CELF2: variants seen among roughly 807,000 people sequenced by gnomAD.
CELF2 encodes the protein CUG triplet repeat RNA-binding protein 2.
Under a neutral mutation model 62.6 loss-of-function variants are expected in CELF2, and 8 were observed. The observed-to-expected ratio is 0.13, with a 90% CI of 0.07 to 0.23. The LOEUF (loss-of-function observed/expected upper bound fraction) is 0.23, where lower values mean the gene tolerates loss of function less well. Among genes scored for constraint, CELF2 ranks in the 10% least tolerant of loss-of-function variants. The pLI is 1.00. For missense variants in CELF2, 333 were observed against 671.0 expected (o/e 0.50, Z 5.56); for synonymous variants, 258 against 250.0 (o/e 1.03, Z -0.30).
the CELF2 span, among the ~76,000 whole-genome samples, chr10:10,580,016 C>A: frequency 6.6e-6 from 1 of 151,864 alleles, no homozygotes; most frequent in Non-Finnish European, 1.5e-5. Context: ...AAGAACACAT[C>A]AAAAAAGATT....
At chr10:10,746,080 A>T in the CELF2 span, among the ~76,000 whole-genome samples, 1 of 152,212 alleles carries the variant, frequency 6.6e-6, no homozygotes, top group East Asian at 1.9e-4. Context: ...CAGGGCATGA[A>T]TTCTCCAGCC....
the CELF2 span, among the ~76,000 whole-genome samples, chr10:10,658,059 T>G: frequency 1.3e-5 from 2 of 152,184 alleles, no homozygotes; most frequent in Non-Finnish European, 2.9e-5. Flanking sequence ...CAAACATAAT[T>G]CCACACTTGG....
Position 11,177,319 on chromosome 10 carries a change from A to AT in CELF2, c.271+11644dup, listed in dbSNP as rs1565109491. 6.6e-6 allele frequency among the ~76,000 whole-genome samples: 1 copy of AT among 150,842 alleles called. No individual in the cohort carries two copies. The highest frequency in any genetic ancestry group is 2.4e-5 in the African/African-American group (1 of 41,060). On this transcript the variant is annotated intron_variant, in intron 2 of 12. Coordinates refer to ENST00000633077, the MANE Select transcript of CELF2 (RefSeq NM_001326342.2). This position sits in a 1 kb window ranked among gnomAD's most constrained non-coding sequence, Gnocchi z 4.8. ...TGATGAAAGAAATAAAAGTCTCCTT[A>AT]TTTTTTTACTTTCTGTGTTGCTTCT...
At chr10:10,679,411 T>A in the CELF2 span, among the ~76,000 whole-genome samples, 6 of 152,232 alleles carry the variant, frequency 3.9e-5, no homozygotes, top group African/African-American at 9.6e-5. Context: ...CGCCTCAGCC[T>A]CCCAAGTAGC....
At chr10:10,558,838 AT>A in the CELF2 span, among the ~76,000 whole-genome samples, 1 of 152,176 alleles carries the variant, frequency 6.6e-6, no homozygotes, top group Non-Finnish European at 1.5e-5. Flanking sequence ...GGTTTATAGT[AT>A]TCTCTGATGG....
chr10:11,206,678 G>A (rs2060505592), intron 2 of CELF2, among the ~76,000 whole-genome samples: 3 of 152,232 alleles, frequency 2.0e-5, no homozygotes, highest in Admixed American at 1.3e-4. Flanking sequence ...TAGTTGGCTT[G>A]TTACATTCAA....
rs1414004716 is a variant in CELF2, at chr10:11,243,727, T to C, written c.355-5426T>C. 6.6e-6 allele frequency among the ~76,000 whole-genome samples: 1 copy of C among 152,246 alleles called. No individual in the cohort carries two copies. The highest frequency in any genetic ancestry group is 1.5e-5 in the Non-Finnish European group (1 of 68,042). On this transcript the variant is annotated intron_variant, in intron 3 of 12. Transcript: ENST00000633077. This position sits in a 1 kb window ranked among gnomAD's most constrained non-coding sequence, Gnocchi z 4.1. ...CTCGTCGAACAGCATAGACAGATCA[T>C]GACAGCACAGACCACTGAAGATTTT...
At chr10:10,610,362 G>A in the CELF2 span, among the ~76,000 whole-genome samples, 6,616 of 152,220 alleles carry the variant, frequency 0.043, 419 homozygotes, top group African/African-American at 0.14. Flanking sequence ...TCCTTAAAAT[G>A]ATGCCAACTC....
intron 5 of CELF2, among the ~76,000 whole-genome samples, chr10:11,259,063 A>G (rs978463740): frequency 6.6e-6 from 1 of 152,238 alleles, no homozygotes; most frequent in African/African-American, 2.4e-5. Context: ...TGCAGTTACC[A>G]GTGCAATTTC....
chr10:10,552,757 C>T, the CELF2 span, among the ~76,000 whole-genome samples: 1 of 152,258 alleles, frequency 6.6e-6, no homozygotes, highest in Middle Eastern at 3.4e-3. Context: ...TGATGTTGTT[C>T]GTTCTTTAAT....
upstream of CELF2, among the ~76,000 whole-genome samples, chr10:10,795,214 C>T (rs530539830): frequency 1.3e-4 from 19 of 147,838 alleles, no homozygotes; most frequent in African/African-American, 3.5e-4. Context: ...AGGACAATCA[C>T]GAATGTTGCA....
chr10:10,904,615 T>A (rs1426242079), intron 1 of CELF2, among the ~76,000 whole-genome samples: 2 of 152,224 alleles, frequency 1.3e-5, no homozygotes, highest in African/African-American at 4.8e-5. Flanking sequence ...ACAGTTTACA[T>A]AGCCATGGCC....
chr10:10,598,471 T>C, the CELF2 span, among the ~76,000 whole-genome samples: 1 of 152,198 alleles, frequency 6.6e-6, no homozygotes, highest in Admixed American at 6.5e-5. Context: ...ACTGCAGAAG[T>C]CTCACATCCT....
the CELF2 span, among the ~76,000 whole-genome samples, chr10:10,498,011 C>T: frequency 6.0e-4 from 91 of 152,180 alleles, no homozygotes; most frequent in East Asian, 2.1e-3. Context: ...CCCAGACAGT[C>T]GTGATAAGAG....
In CELF2 at chr10:10,972,852, G is replaced by A. The variant is rs2050901061; in HGVS notation, c.89+52853G>A. ...CCTCAGAAAACATGGGGACATGGTA[G>A]ATTTTGCCTGTGTCTTCCCTCCCTA... On this transcript the variant is annotated intron_variant, in intron 2 of 13. Coordinates refer to the CELF2 transcript ENST00000636488. This position sits in a 1 kb window ranked among gnomAD's most constrained non-coding sequence, Gnocchi z 4.4. Among the ~76,000 whole-genome samples, 1 of 152,182 alleles carries A rather than the reference G, an allele frequency of 6.6e-6. No homozygotes were observed. Among genetic ancestry groups the A allele is most frequent in the African/African-American group, 2.4e-5 (1 of 41,444 alleles).
chr10:10,560,317 A>G, the CELF2 span, among the ~76,000 whole-genome samples: 11 of 152,246 alleles, frequency 7.2e-5, no homozygotes, highest in Non-Finnish European at 1.3e-4. Flanking sequence ...TTTGAAATGT[A>G]GAATGTAAGT....
Position 11,227,791 on chromosome 10 carries a change from C to T in CELF2, c.354+10284C>T, listed in dbSNP as rs985460877. Among the ~76,000 whole-genome samples the T allele has an allele frequency of 1.3e-5, 2 of 152,200 alleles. No individual in the cohort carries two copies. The highest frequency in any genetic ancestry group is 2.9e-5 in the Non-Finnish European group (2 of 68,036). On this transcript the variant is annotated intron_variant, in intron 3 of 12. Coordinates refer to ENST00000633077, the MANE Select transcript of CELF2 (RefSeq NM_001326342.2). This position sits in a 1 kb window ranked among gnomAD's most constrained non-coding sequence, Gnocchi z 4.8. ...CACTTTCTACAACACTGTCACGCAT[C>T]AGGGACGAGGGTACCGAGTGAGAGC...
chr10:11,305,390 G>A lies in CELF2; in HGVS notation c.977-8749G>A, dbSNP rs1476460940. ...CCGGCGCCCATCCTGCATCCCTCAC[G>A]GGTACACCGGGGCCAGTCCCTTCAA... On this transcript the variant is annotated intron_variant, in intron 9 of 12. Transcript: ENST00000633077. The surrounding 1 kb of genome is among the most constrained non-coding windows in gnomAD (Gnocchi z 4.8). 6.6e-6 allele frequency among the ~76,000 whole-genome samples: 1 copy of A among 152,280 alleles called. No individual in the cohort carries two copies. Among genetic ancestry groups the A allele is most frequent in the African/African-American group, 2.4e-5 (1 of 41,538 alleles).
intron 1 of CELF2, among the ~76,000 whole-genome samples, chr10:11,081,122 T>C (rs1364853725): frequency 6.6e-6 from 1 of 152,254 alleles, no homozygotes; most frequent in African/African-American, 2.4e-5. Flanking sequence ...TTATAATAAA[T>C]TCATTAGTGA....
Sources: allele counts gnomAD v4.1 joint callset (sites outside exome capture counted in the v4.1 genomes callset), GRCh38; gene constraint gnomAD v4.1.1; non-coding constraint Gnocchi (gnomAD v3.1); transcripts MANE v1.5; gene names NCBI Gene and HGNC (gene_info 2026-07-23, HGNC 2026-07-21).